LDLRAD3: variants seen among roughly 807,000 people sequenced by gnomAD.
LDLRAD3 encodes low-density lipoprotein receptor class A domain-containing protein 3.
Under a neutral mutation model 29.4 loss-of-function variants are expected in LDLRAD3, and 20 were observed. That is an observed-to-expected ratio of 0.68 (90% CI 0.48 to 0.99). LDLRAD3 has a LOEUF of 0.99. Among genes scored for constraint, LDLRAD3 ranks in the 50% least tolerant of loss-of-function variants. The probability of loss-of-function intolerance (pLI) is 0.00; values close to 1 mark genes in which losing one functional copy is unlikely to be tolerated. For missense variants in LDLRAD3, 420 were observed against 454.3 expected, an observed-to-expected ratio of 0.92 and a Z score of 0.69; for synonymous variants, 157 against 192.7, an observed-to-expected ratio of 0.81 and a Z score of 1.53.
intron 3 of LDLRAD3, among the ~76,000 whole-genome samples, chr11:36,083,901 G>A (rs1393447079): frequency 6.6e-6 from 1 of 152,060 alleles, no homozygotes; most frequent in South Asian, 2.1e-4. Context: ...TGATTTAAAT[G>A]TTTGGACATT....
At chr11:36,056,253 A>G (rs76113535) in intron 2 of LDLRAD3, among the ~76,000 whole-genome samples, 3,456 of 152,190 alleles carry the variant, frequency 0.023, 88 homozygotes, top group East Asian at 0.11. Context: ...GCGGCCTCCC[A>G]AAGTGCTGGG....
rs977099735 is a variant in LDLRAD3, at chr11:36,202,198, C to T, written c.455-24887C>T. On this transcript the variant is annotated intron_variant, in intron 4 of 5. Coordinates refer to ENST00000315571, the MANE Select transcript of LDLRAD3 (RefSeq NM_174902.4). ...CCAGAATAAAAGGTGTGCACCACCA[C>T]GCCCAGCTAATTTTTGTATTTTTAG... 2.6e-5 allele frequency among the ~76,000 whole-genome samples: 4 copies of T among 152,102 alleles called. No homozygotes were observed. In the South Asian group the frequency reaches 6.2e-4, roughly 24 times the overall value.
Position 36,081,666 on chromosome 11 carries a change from G to A in LDLRAD3, c.207G>A (p.Ser69=), listed in dbSNP as rs781776686. ...SDEKECPKAK[S]KCGPTFFPCA... ...TTCTTCCTGCAGCCAAGGCTAAGTC[G>A]AAATGTGGCCCAACCTTCTTCCCCT... The change falls in exon 3 of 6, where the codon TCG becomes TCA. Residue 69 remains serine, a synonymous_variant. Coordinates refer to ENST00000315571, the MANE Select transcript of LDLRAD3 (RefSeq NM_174902.4). The A allele has an allele frequency of 6.8e-6, 11 of 1,614,124 alleles. No homozygotes were observed. Among genetic ancestry groups the A allele is most frequent in the South Asian group, 5.5e-5 (5 of 91,092 alleles).
intron 1 of LDLRAD3, among the ~76,000 whole-genome samples, chr11:35,999,462 A>G (rs1590197184): frequency 6.6e-6 from 1 of 152,158 alleles, no homozygotes; most frequent in Admixed American, 6.5e-5. Context: ...AAGCCTCTCC[A>G]GAACCGAGCC....
intron 1 of LDLRAD3, among the ~76,000 whole-genome samples, chr11:35,980,109 C>A (rs953125930): frequency 4.6e-5 from 7 of 152,188 alleles, no homozygotes; most frequent in African/African-American, 1.7e-4. Flanking sequence ...TAGTAGCTCT[C>A]TAATGAGTTC....
chr11:36,091,982 A>G (rs960602327), intron 3 of LDLRAD3, among the ~76,000 whole-genome samples: 1 of 152,186 alleles, frequency 6.6e-6, no homozygotes, highest in Non-Finnish European at 1.5e-5. Flanking sequence ...ATAGCTGCAG[A>G]GGGTCTGGAA....
chr11:36,098,564 A>G, intron 4 of LDLRAD3, 103 bp downstream of exon 4: 2 of 1,358,390 alleles, frequency 1.5e-6, no homozygotes, highest in Non-Finnish European at 2.0e-6. Context: ...TCCAAACACA[A>G]TAGCTCTGTT....
chr11:36,095,856 T>G (rs1194203997), intron 3 of LDLRAD3, among the ~76,000 whole-genome samples: 2 of 152,154 alleles, frequency 1.3e-5, no homozygotes, highest in African/African-American at 4.8e-5. Flanking sequence ...TTTGGTTGCA[T>G]AGATGTGACC....
At chr11:36,189,226 C>T (rs1034990777) in intron 4 of LDLRAD3, among the ~76,000 whole-genome samples, 2 of 152,172 alleles carry the variant, frequency 1.3e-5, no homozygotes, top group African/African-American at 2.4e-5. Context: ...TGGCTCACAC[C>T]TGTAATCCCA....
chr11:36,111,787 A>T (rs1449829210), intron 4 of LDLRAD3, among the ~76,000 whole-genome samples: 1 of 152,066 alleles, frequency 6.6e-6, no homozygotes, highest in Non-Finnish European at 1.5e-5. Context: ...TTTAGTAGAG[A>T]TGGGGTTTCG....
intron 4 of LDLRAD3, among the ~76,000 whole-genome samples, chr11:36,191,551 T>A (rs1854944380): frequency 1.6e-5 from 1 of 60,678 alleles, no homozygotes; most frequent in Non-Finnish European, 3.1e-5. Flanking sequence ...TCTCTCTCTC[T>A]CTCTCTCTCT....
At chr11:36,055,176 T>C (rs1381039706) in intron 2 of LDLRAD3, among the ~76,000 whole-genome samples, 1 of 142,940 alleles carries the variant, frequency 7.0e-6, no homozygotes, top group East Asian at 2.2e-4. Flanking sequence ...TCAGCACTTT[T>C]AAAGGATCAC....
chr11:36,135,624 A>C (rs1853992420), intron 4 of LDLRAD3, among the ~76,000 whole-genome samples: 1 of 152,174 alleles, frequency 6.6e-6, no homozygotes, highest in African/African-American at 2.4e-5. Flanking sequence ...GAAATCCGTA[A>C]GTGGGGTTGG....
chr11:36,122,118 A>G (rs1047902548), intron 4 of LDLRAD3, among the ~76,000 whole-genome samples: 3 of 152,154 alleles, frequency 2.0e-5, no homozygotes, highest in Admixed American at 6.5e-5. Context: ...GCTCTTAACT[A>G]TGCCTTCCAC....
chr11:36,228,375 T>G (rs1398312771), intron 5 of LDLRAD3, among the ~76,000 whole-genome samples: 2 of 152,214 alleles, frequency 1.3e-5, no homozygotes, highest in African/African-American at 4.8e-5. Flanking sequence ...ACCTCTTCAT[T>G]TGGACCACCC....
chr11:36,181,545 G>A (rs143348873), intron 4 of LDLRAD3, among the ~76,000 whole-genome samples: 80 of 152,250 alleles, frequency 5.3e-4, no homozygotes, highest in African/African-American at 1.6e-3. Flanking sequence ...AGTCCAGACC[G>A]TCCCTGGGAA....
chr11:35,997,368 T>TA, intron 1 of LDLRAD3: 1 of 463,436 alleles, frequency 2.2e-6, no homozygotes, highest in East Asian at 5.8e-5. Context: ...TCAAAAGTGA[T>TA]ATTTCCATTG....
chr11:36,100,206 A>G (rs577240623), intron 4 of LDLRAD3, among the ~76,000 whole-genome samples: 1 of 152,190 alleles, frequency 6.6e-6, no homozygotes, highest in Non-Finnish European at 1.5e-5. Flanking sequence ...GAGCTCCACC[A>G]TTCTACAGTC....
At chr11:36,225,235 A>ACAAG (rs1480733332) in intron 4 of LDLRAD3, among the ~76,000 whole-genome samples, 1 of 152,242 alleles carries the variant, frequency 6.6e-6, no homozygotes, top group East Asian at 1.9e-4. Context: ...CACAGGCAGA[A>ACAAG]CAAGGACAGG....
Sources: allele counts gnomAD v4.1 joint callset (sites outside exome capture counted in the v4.1 genomes callset), GRCh38; gene constraint gnomAD v4.1.1; transcripts MANE v1.5; gene names NCBI Gene and HGNC (gene_info 2026-07-23, HGNC 2026-07-21).